GABRG3: variants seen among roughly 807,000 people sequenced by gnomAD.
GABRG3 encodes the protein gamma-aminobutyric acid receptor subunit gamma-3.
In GABRG3, 25 loss-of-function variants were observed where a neutral mutation model predicts 48.8. The ratio of observed to expected loss-of-function variants is 0.51; its 90% confidence interval spans 0.37 to 0.72. The LOEUF is 0.72. GABRG3 is among the 30% of genes least tolerant of loss of function. The pLI, the probability that GABRG3 is intolerant of heterozygous loss-of-function variation, is 0.00. For synonymous variants in GABRG3, 227 were observed against 217.6 expected, an observed-to-expected ratio of 1.04 and a Z score of -0.38; for missense variants, 394 against 577.9, an observed-to-expected ratio of 0.68 and a Z score of 3.26.
chr15:27,011,477 G>T (rs573509720), intron 2 of GABRG3, among the ~76,000 whole-genome samples: 4 of 151,920 alleles, frequency 2.6e-5, no homozygotes, highest in Non-Finnish European at 5.9e-5. Context: ...AGCCTTTGTG[G>T]CTTCAACCCC....
At chr15:27,111,717 G>A (rs1430761814) in intron 3 of GABRG3, among the ~76,000 whole-genome samples, 1 of 152,052 alleles carries the variant, frequency 6.6e-6, no homozygotes, top group East Asian at 1.9e-4. Flanking sequence ...CTTGGTATAG[G>A]GGCTGTATAT....
intron 2 of GABRG3, among the ~76,000 whole-genome samples, chr15:27,026,124 G>A: frequency 6.6e-6 from 1 of 152,226 alleles, no homozygotes; most frequent in East Asian, 1.9e-4. Flanking sequence ...AGTTGAAACA[G>A]TAATTCTTTG....
intron 5 of GABRG3, among the ~76,000 whole-genome samples, chr15:27,422,027 C>T (rs1369889699): frequency 6.6e-6 from 1 of 151,228 alleles, no homozygotes; most frequent in Non-Finnish European, 1.5e-5. Context: ...GGCTGAGTAT[C>T]CACCAATACT....
At chr15:27,470,868 G>A (rs1288685749) in intron 5 of GABRG3, among the ~76,000 whole-genome samples, 1 of 151,492 alleles carries the variant, frequency 6.6e-6, no homozygotes. Flanking sequence ...AGCTATAAAG[G>A]AATTTATTCA....
chr15:27,285,106 T>A (rs13380003), intron 3 of GABRG3, among the ~76,000 whole-genome samples: 17,579 of 152,116 alleles, frequency 0.12, 2,557 homozygotes, highest in African/African-American at 0.34. Flanking sequence ...GTGATGGGTG[T>A]ATCTCAGAGC....
At chr15:27,226,318 G>A (rs912212497) in intron 3 of GABRG3, among the ~76,000 whole-genome samples, 1 of 152,168 alleles carries the variant, frequency 6.6e-6, no homozygotes, top group East Asian at 1.9e-4. Context: ...CATGGACAAT[G>A]TGCTCTCAGG....
intron 5 of GABRG3, among the ~76,000 whole-genome samples, chr15:27,436,709 A>C (rs1353667860): frequency 1.3e-5 from 2 of 152,214 alleles, no homozygotes; most frequent in Non-Finnish European, 2.9e-5. Context: ...ATGGGACTGA[A>C]TGTGGCTCCT....
intron 3 of GABRG3, among the ~76,000 whole-genome samples, chr15:27,223,840 C>A (rs1217316123): frequency 6.6e-6 from 1 of 152,192 alleles, no homozygotes; most frequent in Non-Finnish European, 1.5e-5. Flanking sequence ...CACTGATTGC[C>A]CCCCTTTTTG....
At chr15:27,064,344 G>A (rs2889394) in intron 3 of GABRG3, among the ~76,000 whole-genome samples, 1 of 152,168 alleles carries the variant, frequency 6.6e-6, no homozygotes, top group African/African-American at 2.4e-5. Context: ...TCCAGGCCCG[G>A]CGGTAAGGCC....
At chr15:27,326,018 GCCTCTGAGGCAGC>G (rs1389658833) in intron 3 of GABRG3, among the ~76,000 whole-genome samples, 1 of 152,094 alleles carries the variant, frequency 6.6e-6, no homozygotes, top group Non-Finnish European at 1.5e-5. Context: ...GAGGGGAGTG[GCCTCTGAGGCAGC>G]CCAGTCTGCA....
chr15:27,117,130 TA>T (rs754055666), intron 3 of GABRG3, among the ~76,000 whole-genome samples: 2 of 152,226 alleles, frequency 1.3e-5, no homozygotes, highest in African/African-American at 2.4e-5. Context: ...ACAAAGCTAA[TA>T]AGGGAAGGAA....
At chr15:27,498,594 C>T (rs1035626862) in intron 6 of GABRG3, among the ~76,000 whole-genome samples, 63 of 152,166 alleles carry the variant, frequency 4.1e-4, no homozygotes, top group African/African-American at 1.5e-3. Flanking sequence ...CTCCCAGGTT[C>T]AAGCAATTTT....
At chr15:27,516,967 A>G (rs747984287) in intron 6 of GABRG3, among the ~76,000 whole-genome samples, 11 of 152,202 alleles carry the variant, frequency 7.2e-5, no homozygotes, top group Non-Finnish European at 1.5e-4. Flanking sequence ...AGTCATCTTC[A>G]TGGGTCATTC....
chr15:27,067,202 C>T (rs1896752752), intron 3 of GABRG3, among the ~76,000 whole-genome samples: 1 of 152,132 alleles, frequency 6.6e-6, no homozygotes, highest in Non-Finnish European at 1.5e-5. Context: ...ACGTGGCACT[C>T]CAGGAGCCGA....
intron 3 of GABRG3, among the ~76,000 whole-genome samples, chr15:27,159,454 C>T (rs1347147683): frequency 1.3e-5 from 2 of 151,992 alleles, no homozygotes; most frequent in East Asian, 3.9e-4. Context: ...TGCACTTCAG[C>T]CTGGGCAATA....
At chr15:27,145,607 A>C (rs996212227) in intron 3 of GABRG3, among the ~76,000 whole-genome samples, 33 of 95,572 alleles carry the variant, frequency 3.5e-4, no homozygotes, top group East Asian at 2.0e-3. Context: ...ATCTATCTCT[A>C]TCTATCTATC....
At chr15:27,114,611 A>T (rs1897610490) in intron 3 of GABRG3, among the ~76,000 whole-genome samples, 1 of 152,228 alleles carries the variant, frequency 6.6e-6, no homozygotes, top group South Asian at 2.1e-4. Flanking sequence ...TGTTGACTTG[A>T]AAAATAGTCA....
intron 3 of GABRG3, among the ~76,000 whole-genome samples, chr15:27,276,595 G>A (rs763434808): frequency 6.6e-5 from 10 of 152,118 alleles, no homozygotes; most frequent in Non-Finnish European, 1.2e-4. Context: ...AGGCTGGGCC[G>A]AGTTACTAAG....
chr15:27,043,949 C>T (rs1595490325), intron 3 of GABRG3, among the ~76,000 whole-genome samples: 1 of 152,278 alleles, frequency 6.6e-6, no homozygotes, highest in East Asian at 1.9e-4. Flanking sequence ...CTCAGGCTGT[C>T]GGGCTGAGAG....
Sources: gnomAD v4.1 joint callset for allele counts (sites outside exome capture counted in the v4.1 genomes callset) on GRCh38, gnomAD v4.1.1 for gene constraint, MANE v1.5 for transcripts, NCBI Gene and HGNC (gene_info 2026-07-23, HGNC 2026-07-21) for gene names.